Variants in FMC1 observed in about 807,000 individuals in gnomAD.
FMC1 encodes the protein formation of mitochondrial complex V assembly factor 1, also known as protein FMC1 homolog.
In FMC1, 6 loss-of-function variants were observed where a neutral mutation model predicts 10.5. The ratio of observed to expected loss-of-function variants is 0.57; its 90% CI spans 0.31 to 1.12. The LOEUF (loss-of-function observed/expected upper bound fraction) is 1.12. Among genes scored for constraint, FMC1 ranks in the 50% most tolerant of loss-of-function variants. The pLI is 0.05. For missense variants in FMC1, 146 were observed against 151.7 expected, an observed-to-expected ratio of 0.96 and a Z score of 0.20; for synonymous variants, 59 against 62.1, an observed-to-expected ratio of 0.95 and a Z score of 0.24.
upstream of FMC1, chr7:139,341,025 C>A (rs892326483): frequency 4.7e-6 from 1 of 210,596 alleles, no homozygotes; most frequent in African/African-American, 2.3e-5. Context: ...TGTTCCATAT[C>A]AAATCCACAC....
At chr7:139,344,625 A>T (rs1323876896) in intron 1 of FMC1, among the ~76,000 whole-genome samples, 2 of 152,006 alleles carry the variant, frequency 1.3e-5, no homozygotes, top group African/African-American at 2.4e-5. Context: ...AGTTTTATAC[A>T]TGAAACCTTC....
chr7:139,340,686 C>G (rs191293826), upstream of FMC1: 21 of 392,900 alleles, frequency 5.3e-5, no homozygotes, highest in Middle Eastern at 6.3e-4. Flanking sequence ...TGTGTGAGCG[C>G]GTCGTTTGCA....
In FMC1 at chr7:139,345,570, C is replaced by T. The variant is rs201341963; in HGVS notation, c.208C>T (p.Leu70=). 1.5e-5 allele frequency: 24 copies of T among 1,614,152 alleles called. No homozygotes were observed. In the East Asian group the frequency reaches 4.5e-4, roughly 30 times the overall value. Residue 70 remains leucine (L), a synonymous_variant, in exon 2 of 2, where the codon CTG becomes TTG. Coordinates refer to ENST00000297534, the MANE Select transcript of FMC1 (RefSeq NM_197964.5). The part of the protein sequence containing the change: ...HFQAATYLCL[L]RSIRKHVALH... The stretch of plus-strand genomic sequence containing the variant: ...CCAAGCTGCCACCTATCTCTGCCTC[C>T]TGCGTAGCATCCGGAAACATGTGGC...
At position 139,346,293 on chromosome 7, in the gene FMC1, TATAAAC is replaced by T. The variant is rs928923702; in HGVS notation, c.*595_*600del. ...CCTTTTGTTTAAGGAATTCAAATGT[TATAAAC>T]ATAAAATAAAAGAAACCCTCTTTTC... On this transcript the variant is annotated 3_prime_UTR_variant, in exon 2 of 2. Coordinates refer to ENST00000297534, the MANE Select transcript of FMC1 (RefSeq NM_197964.5). 1.9e-4 allele frequency: 29 copies of T among 152,156 alleles called. No individual in the cohort carries two copies. The highest frequency in any genetic ancestry group is 9.8e-4 in the Admixed American group (15 of 15,262). 9.4% of individuals were successfully genotyped at this position (152,156 alleles called of 1,614,324 possible). A position where few individuals can be genotyped will look rare whatever the true frequency, so the allele number is the denominator to read the frequency against.
Position 139,341,539 on chromosome 7 carries a change from C to G in FMC1, c.138+17C>G, listed in dbSNP as rs1437669638. The G allele has an allele frequency of 5.6e-6, 9 of 1,607,112 alleles. No homozygotes were observed. Among genetic ancestry groups the G allele is most frequent in the African/African-American group, 1.3e-5 (1 of 74,832 alleles). On this transcript the variant is annotated intron_variant, in intron 1 of 1. Transcript: ENST00000297534. ...GCACATCGGGTACGGGAGCCATGTCCCGGGTGCTCTACGTGCTGGGGAGGG... is the reference window on the plus strand; with the variant it reads ...GCACATCGGGTACGGGAGCCATGTCGCGGGTGCTCTACGTGCTGGGGAGGG...
In FMC1 at chr7:139,345,498, T is replaced by C; in HGVS notation, c.139-3T>C. 1 of 1,614,218 alleles carries C rather than the reference T, an allele frequency of 6.2e-7. No homozygotes were observed. Among genetic ancestry groups the C allele is most frequent in the Middle Eastern group, 1.6e-4 (1 of 6,062 alleles). Reference sequence around the variant, plus strand: ...AAGAATTTCTGACTTGCTGCTTCTCTAGGTCACCAGTGAAAAGTTGTGCAG... The same window carrying C: ...AAGAATTTCTGACTTGCTGCTTCTCCAGGTCACCAGTGAAAAGTTGTGCAG... On this transcript the variant is annotated splice_region_variant and splice_polypyrimidine_tract_variant and intron_variant, in intron 1 of 1. Coordinates refer to ENST00000297534, the MANE Select transcript of FMC1 (RefSeq NM_197964.5).
At chr7:139,345,154 C>G (rs183648379) in intron 1 of FMC1, among the ~76,000 whole-genome samples, 27 of 152,072 alleles carry the variant, frequency 1.8e-4, no homozygotes, top group Non-Finnish European at 2.8e-4. Context: ...GATGAGTGAC[C>G]TAATTATAAT....
At chr7:139,345,162 A>G (rs1206984600) in intron 1 of FMC1, among the ~76,000 whole-genome samples, 30 of 152,150 alleles carry the variant, frequency 2.0e-4, no homozygotes, top group Admixed American at 2.0e-3. Flanking sequence ...ACCTAATTAT[A>G]ATTTCCATAT....
In FMC1 at chr7:139,341,433, G is replaced by A; in HGVS notation, c.49G>A (p.Glu17Lys). 4.3e-6 allele frequency: 7 copies of A among 1,613,554 alleles called. No individual in the cohort carries two copies. Among genetic ancestry groups the A allele is most frequent in the Non-Finnish European group, 5.9e-6 (7 of 1,180,012 alleles). ...PSHTFRGLLR[E>K]LRYLSAATGR... Reference sequence around the variant, plus strand: ...GCACACTTTTCGAGGACTTCTGCGGGAGTTGCGCTACCTGAGCGCGGCCAC... The same window carrying A: ...GCACACTTTTCGAGGACTTCTGCGGAAGTTGCGCTACCTGAGCGCGGCCAC... The change falls in exon 1 of 2, where the codon GAG becomes AAG. Residue 17 changes from glutamate to lysine, a missense_variant. Glu to Lys is a moderately conservative substitution (Grantham distance 56). Transcript: ENST00000297534.
At chr7:139,341,197 G>T (rs1308525758), upstream of FMC1, 16 of 1,057,972 alleles carry the variant, frequency 1.5e-5, no homozygotes, top group Middle Eastern at 3.3e-4. Context: ...GTTTGATTTT[G>T]TTACGGCGCC....
At chr7:139,344,328 A>C (rs1322554950) in intron 1 of FMC1, among the ~76,000 whole-genome samples, 2 of 152,166 alleles carry the variant, frequency 1.3e-5, no homozygotes, top group African/African-American at 4.8e-5. Context: ...ATGGATGCTC[A>C]AGTCCCTGAC....
In FMC1 at chr7:139,345,898, T is replaced by A. The variant is rs537415722; in HGVS notation, c.*194T>A. The stretch of plus-strand genomic sequence containing the variant: ...CTGAACTTTTTGCACTAGACTGATG[T>A]TGTTTTTCTACTTAAAAAAATTTTT... On this transcript the variant is annotated 3_prime_UTR_variant, in exon 2 of 2. Coordinates refer to ENST00000297534, the MANE Select transcript of FMC1 (RefSeq NM_197964.5). 3.9e-4 allele frequency: 226 copies of A among 582,748 alleles called. 3 individuals carry two copies. The South Asian group carries it at 7.6e-3, about 20-fold the overall frequency. 36.1% of individuals were successfully genotyped at this position (582,748 alleles called of 1,614,324 possible). A position where few individuals can be genotyped will look rare whatever the true frequency, so the allele number is the denominator to read the frequency against.
chr7:139,342,963 C>T (rs1799069789), intron 1 of FMC1, among the ~76,000 whole-genome samples: 1 of 152,192 alleles, frequency 6.6e-6, no homozygotes, highest in Non-Finnish European at 1.5e-5. Flanking sequence ...ATCCCATTTT[C>T]TCTATCCTTT....
At chr7:139,345,280 A>AT (rs1799216969) in intron 1 of FMC1, among the ~76,000 whole-genome samples, 1 of 152,202 alleles carries the variant, frequency 6.6e-6, no homozygotes, top group African/African-American at 2.4e-5. Context: ...ATACAGGGAC[A>AT]TTCAATGCAA....
upstream of FMC1, chr7:139,340,583 C>T (rs2131128296): frequency 2.5e-6 from 1 of 397,644 alleles, no homozygotes; most frequent in Non-Finnish European, 4.4e-6. Flanking sequence ...ATACGTCACC[C>T]CTCACGTGGG....
upstream of FMC1, chr7:139,341,086 T>C (rs1798927462): frequency 3.3e-6 from 1 of 300,534 alleles, no homozygotes; most frequent in Non-Finnish European, 5.9e-6. Flanking sequence ...GTTGGTCGGC[T>C]AACGGGCATC....
rs770954743 is a variant in FMC1 at position 139,345,546 on chromosome 7, C to T, written c.184C>T (p.Gln62Ter). 12 of 1,614,148 alleles carry T rather than the reference C, an allele frequency of 7.4e-6. No individual in the cohort carries two copies. The highest frequency in any genetic ancestry group is 1.0e-5 in the Non-Finnish European group (12 of 1,180,030). The change falls in exon 2 of 2, where the codon CAA becomes TAA. Residue 62 changes from glutamine to a stop codon, truncating the protein, a stop_gained. Coordinates refer to ENST00000297534, the MANE Select transcript of FMC1 (RefSeq NM_197964.5). LOFTEE classifies it high-confidence loss of function. ...CAGAGCCCAACATGAGCTTCATTTCCAAGCTGCCACCTATCTCTGCCTCCT... is the reference window on the plus strand; with the variant it reads ...CAGAGCCCAACATGAGCTTCATTTCTAAGCTGCCACCTATCTCTGCCTCCT... ...LCRAQHELHF[Q>*]AATYLCLLRS...
chr7:139,341,749 A>C (rs1020674576), intron 1 of FMC1, among the ~76,000 whole-genome samples: 6 of 152,200 alleles, frequency 3.9e-5, no homozygotes, highest in Admixed American at 3.9e-4. Flanking sequence ...TGGGGACGTC[A>C]GCCTGTCCTG....
chr7:139,341,648 G>A (rs1585052990), intron 1 of FMC1, 126 bp downstream of exon 1: 1 of 1,447,892 alleles, frequency 6.9e-7, no homozygotes, highest in Admixed American at 2.3e-5. Flanking sequence ...CGGAGCCCTG[G>A]TTCTGACCAA....
Sources: gnomAD v4.1 joint callset for allele counts (sites outside exome capture counted in the v4.1 genomes callset) on GRCh38, gnomAD v4.1.1 for gene constraint, MANE v1.5 for transcripts, NCBI Gene and HGNC (gene_info 2026-07-23, HGNC 2026-07-21) for gene names.